The following CUX2 variants were observed in gnomAD, a reference collection of about 807,000 sequenced individuals.
CUX2 encodes the protein homeobox protein cut-like 2.
Under a neutral mutation model 144.8 loss-of-function variants are expected in CUX2, and 40 were observed. The ratio of observed to expected loss-of-function variants is 0.28; its 90% confidence interval spans 0.21 to 0.36. The LOEUF (loss-of-function observed/expected upper bound fraction) is 0.36. CUX2 is among the 10% of genes least tolerant of loss of function. The pLI is 1.00. For synonymous variants in CUX2, 827 were observed against 875.6 expected (o/e 0.94, Z 0.98); for missense variants, 1,615 against 1,994.0 (o/e 0.81, Z 3.62).
intron 1 of CUX2, among the ~76,000 whole-genome samples, chr12:111,192,773 T>A (rs1318077915): frequency 9.2e-5 from 14 of 152,236 alleles, no homozygotes; most frequent in Admixed American, 9.2e-4. Flanking sequence ...TTCGTAACAA[T>A]ACTAAGCTGC....
chr12:111,242,542 G>A (rs1440766704), intron 3 of CUX2, among the ~76,000 whole-genome samples: 2 of 152,152 alleles, frequency 1.3e-5, no homozygotes, highest in South Asian at 2.1e-4. Context: ...GGCCAGACAT[G>A]GTGGCTCACG....
intron 9 of CUX2, among the ~76,000 whole-genome samples, chr12:111,301,422 A>G (rs1384423037): frequency 1.3e-5 from 2 of 151,824 alleles, no homozygotes; most frequent in African/African-American, 2.4e-5. Context: ...GAAAGAATCT[A>G]CCTCCCAAGT....
chr12:111,227,565 G>A (rs558997125), intron 3 of CUX2, among the ~76,000 whole-genome samples: 3 of 152,282 alleles, frequency 2.0e-5, no homozygotes, highest in South Asian at 4.1e-4. Flanking sequence ...CGTACATCCC[G>A]CCTTCCCATT....
intron 1 of CUX2, among the ~76,000 whole-genome samples, chr12:111,088,823 T>C (rs1327583371): frequency 6.6e-6 from 1 of 152,186 alleles, no homozygotes; most frequent in African/African-American, 2.4e-5. Flanking sequence ...CTGTCGTGCA[T>C]GGACATGAGA....
At position 111,347,909 on chromosome 12, in the gene CUX2, C is replaced by T. The variant is rs944201096; in HGVS notation, c.4045C>T (p.Leu1349Phe). 8.1e-6 allele frequency: 13 copies of T among 1,614,070 alleles called. No homozygotes were observed. Among genetic ancestry groups the T allele is most frequent in the Non-Finnish European group, 1.1e-5 (13 of 1,180,044 alleles). Residue 1349 changes from leucine to phenylalanine, a missense_variant, in exon 22 of 22, where the codon CTC (leucine) becomes TTC (phenylalanine). Leu to Phe is a conservative substitution (Grantham distance 22). Around this residue, in one of 12 missense-constraint regions of CUX2, gnomAD observed 298 missense variants for 330.4 expected, o/e 0.90. Coordinates refer to ENST00000261726, the MANE Select transcript of CUX2 (RefSeq NM_015267.4). ...ACTCCCAAAAGTGGCTCCCGGGCCCCTCCTTCCAGGTGGATCCACCCCAGA... is the reference window on the plus strand; with the variant it reads ...ACTCCCAAAAGTGGCTCCCGGGCCCTTCCTTCCAGGTGGATCCACCCCAGA... ...DGLPKVAPGP[L>F]LPGGSTPDCP...
chr12:111,243,490 A>ATGT (rs1041543377), intron 3 of CUX2, among the ~76,000 whole-genome samples: 13 of 121,810 alleles, frequency 1.1e-4, no homozygotes, highest in Admixed American at 2.5e-4. Context: ...TGATTGGTTG[A>ATGT]TGTGCCTTTT....
At chr12:111,075,589 C>G (rs1318944992) in intron 1 of CUX2, among the ~76,000 whole-genome samples, 2 of 152,108 alleles carry the variant, frequency 1.3e-5, no homozygotes, top group East Asian at 1.9e-4. Flanking sequence ...TGTCCATTTG[C>G]TGCTGTTGTT....
At chr12:111,099,301 G>A (rs73413554) in intron 1 of CUX2, 255 of 325,542 alleles carry the variant, frequency 7.8e-4, no homozygotes, top group African/African-American at 5.0e-3. Context: ...TGGGACCTCC[G>A]GGTGAGCAGG....
Position 111,338,281 on chromosome 12 carries a change from C to G in CUX2, c.3197-5C>G. The G allele has an allele frequency of 6.2e-7, 1 of 1,603,534 alleles. No individual in the cohort carries two copies. Among genetic ancestry groups the G allele is most frequent in the Non-Finnish European group, 8.5e-7 (1 of 1,174,352 alleles). ...TAACAGATTGCTCCCCTCCCCTATC[C>G]CCAGGGCAGCGGCTGTTTGGGGAAA... On this transcript the variant is annotated splice_polypyrimidine_tract_variant and splice_region_variant and intron_variant, in intron 19 of 21. Coordinates refer to ENST00000261726, the MANE Select transcript of CUX2 (RefSeq NM_015267.4).
chr12:111,253,286 C>CCCCCAGGGCTCTT (rs1883656404), intron 3 of CUX2, among the ~76,000 whole-genome samples: 1 of 150,236 alleles, frequency 6.7e-6, no homozygotes, highest in Non-Finnish European at 1.5e-5. Flanking sequence ...CTCGCAGTGA[C>CCCCCAGGGCTCTT]CCCCAGGGCT....
At position 111,307,355 on chromosome 12, in the gene CUX2, A is replaced by C; in HGVS notation, c.1109+98A>C. 1 of 1,104,084 alleles carries C rather than the reference A, an allele frequency of 9.1e-7. No individual in the cohort carries two copies. The highest frequency in any genetic ancestry group is 1.3e-6 in the Non-Finnish European group (1 of 754,854). 68.4% of individuals were successfully genotyped at this position (1,104,084 alleles called of 1,614,324 possible). A position where few individuals can be genotyped will look rare whatever the true frequency, so the allele number is the denominator to read the frequency against. On this transcript the variant is annotated intron_variant, in intron 12 of 21. Transcript: ENST00000261726. This position sits in a 1 kb window ranked among gnomAD's most constrained non-coding sequence, Gnocchi z 4.1. ...ATCTTCCTCCCTCCTACTAAACCCC[A>C]TTTGTTCTTCTCTCCACTAACACTG...
intron 1 of CUX2, among the ~76,000 whole-genome samples, chr12:111,104,324 C>T (rs1453389928): frequency 2.0e-5 from 3 of 152,126 alleles, no homozygotes; most frequent in African/African-American, 4.8e-5. Context: ...GGATTTGGGG[C>T]GTTAAGAAGG....
rs1261189027 is a variant in CUX2 at position 111,304,453 on chromosome 12, G to C, written c.858+139G>C. 2 of 674,882 alleles carry C rather than the reference G, an allele frequency of 3.0e-6. No individual in the cohort carries two copies. Among genetic ancestry groups the C allele is most frequent in the Admixed American group, 4.3e-5 (2 of 46,026 alleles). The allele number at this position is 674,882 out of a possible 1,614,324, so 41.8% of individuals were successfully genotyped here. ...TTTGAAACTGGGAGTGTGAATGTGT[G>C]TGGGTCTCTGTGCATACGGTGAGCA... On this transcript the variant is annotated intron_variant, in intron 10 of 21. Transcript: ENST00000261726. This position sits in a 1 kb window ranked among gnomAD's most constrained non-coding sequence, Gnocchi z 4.7.
intron 3 of CUX2, among the ~76,000 whole-genome samples, chr12:111,241,253 A>G (rs1473089523): frequency 1.3e-5 from 2 of 152,096 alleles, no homozygotes; most frequent in African/African-American, 4.8e-5. Context: ...CATTCCCAAG[A>G]GAGGACATTA....
intron 1 of CUX2, among the ~76,000 whole-genome samples, chr12:111,052,020 T>A (rs1311065646): frequency 2.0e-5 from 3 of 152,156 alleles, no homozygotes; most frequent in African/African-American, 7.2e-5. Context: ...ACATTATAAT[T>A]GTACATGCGC....
rs887223821 is a variant in CUX2 at position 111,160,571 on chromosome 12, G to T, written c.64-53629G>T. Among the ~76,000 whole-genome samples, 2 of 152,194 alleles carry T rather than the reference G, an allele frequency of 1.3e-5. No homozygotes were observed. The highest frequency in any genetic ancestry group is 2.9e-5 in the Non-Finnish European group (2 of 68,030). ...GCGCGAGATGCGAGCAGGGAGCAGG[G>T]TGGCACTTGGCTGTGGAGGTCTCCT... On this transcript the variant is annotated intron_variant, in intron 1 of 21. Transcript: ENST00000261726. The surrounding 1 kb of genome is among the most constrained non-coding windows in gnomAD (Gnocchi z 4.1).
intron 1 of CUX2, among the ~76,000 whole-genome samples, chr12:111,106,779 A>G (rs568773767): frequency 1.1e-4 from 17 of 152,332 alleles, no homozygotes; most frequent in Admixed American, 3.9e-4. Flanking sequence ...TGTTTCAGGA[A>G]TTCATAGGCA....
chr12:111,319,902 A>AGAGGTTGCCTGGACACC (rs1887420118), intron 16 of CUX2, 110 bp from the exon 17 acceptor site: 1 of 1,371,922 alleles, frequency 7.3e-7, no homozygotes, highest in Non-Finnish European at 9.4e-7. Flanking sequence ...TGCTGGACAC[A>AGAGGTTGCCTGGACACC]GAGGTTGCCT....
At position 111,132,557 on chromosome 12, in the gene CUX2, C is replaced by CTT. The variant is rs1182564665; in HGVS notation, c.64-81617_64-81616dup. Reference sequence around the variant, plus strand: ...TTTCTGAATTTTTATGCTCTGTTTCCTTTTTTTTTTTTTTTTTTTTTTTTT... The same window carrying CTT: ...TTTCTGAATTTTTATGCTCTGTTTCCTTTTTTTTTTTTTTTTTTTTTTTTTTT... On this transcript the variant is annotated intron_variant, in intron 1 of 21. Coordinates refer to ENST00000261726, the MANE Select transcript of CUX2 (RefSeq NM_015267.4). 7.3e-3 allele frequency among the ~76,000 whole-genome samples: 708 copies of CTT among 97,160 alleles called. 146 individuals carry two copies. The East Asian group carries it at 0.093, about 13-fold the overall frequency. The allele number at this position is 97,160 out of a possible 152,430, so 63.7% of individuals were successfully genotyped here. A position where few individuals can be genotyped will look rare whatever the true frequency, so the allele number is the denominator to read the frequency against.
Sources: allele counts gnomAD v4.1 joint callset (sites outside exome capture counted in the v4.1 genomes callset), GRCh38; gene constraint gnomAD v4.1.1; regional missense constraint gnomAD v4.1.1; non-coding constraint Gnocchi (gnomAD v3.1); transcripts MANE v1.5; gene names NCBI Gene and HGNC (gene_info 2026-07-23, HGNC 2026-07-21).